Variants in PCDHGB1 observed in about 807,000 individuals in gnomAD.
PCDHGB1 encodes the protein protocadherin gamma-B1.
Under a neutral mutation model 56.6 loss-of-function variants are expected in PCDHGB1, and 34 were observed. That is an observed-to-expected ratio of 0.60 (90% CI 0.46 to 0.80). The LOEUF is 0.80. PCDHGB1 is among the 30% of genes least tolerant of loss of function. PCDHGB1 has a pLI of 0.00. For synonymous variants in PCDHGB1, 561 were observed against 505.9 expected (o/e 1.11, Z -1.46); for missense variants, 1,278 against 1,204.6 (o/e 1.06, Z -0.90).
chr5:141,374,476 C>A, intron 1 of PCDHGB1: 3 of 1,612,124 alleles, frequency 1.9e-6, no homozygotes, highest in Non-Finnish European at 1.7e-6. Context: ...ACAATACACC[C>A]CGATTCTTAA....
At chr5:141,355,995 AG>A in intron 1 of PCDHGB1, 1 of 1,613,888 alleles carries the variant, frequency 6.2e-7, no homozygotes, top group Non-Finnish European at 8.5e-7. Context: ...TCACCGTAAA[AG>A]CCACTGATCC....
Position 141,351,741 on chromosome 5 carries a change from CGCGGGA to C in PCDHGB1, c.1484_1489del (p.Arg495_Glu496del). On this transcript the variant is annotated inframe_deletion, in exon 1 of 4. Transcript: ENST00000523390. ...TCTATTCTGGCCAGTGACCTGGAGCCGCGGGAGCTGTTGTCCTACGTGTCCGTGAGC... is the reference window on the plus strand; with the variant it reads ...TCTATTCTGGCCAGTGACCTGGAGCCGCTGTTGTCCTACGTGTCCGTGAGC... The C allele has an allele frequency of 6.2e-7, 1 of 1,613,684 alleles. No homozygotes were observed. Among genetic ancestry groups the C allele is most frequent in the East Asian group, 2.2e-5 (1 of 44,886 alleles).
intron 1 of PCDHGB1, chr5:141,355,623 A>G: frequency 1.2e-6 from 2 of 1,613,994 alleles, no homozygotes; most frequent in Non-Finnish European, 1.7e-6. Context: ...GGGAAATAAA[A>G]GTTGCTGAAA....
chr5:141,357,282 G>T, intron 1 of PCDHGB1: 2 of 1,613,964 alleles, frequency 1.2e-6, no homozygotes, highest in Non-Finnish European at 1.7e-6. Context: ...TCTATCTCGT[G>T]GTGGCAGTGG....
intron 1 of PCDHGB1, chr5:141,398,970 C>G (rs1320199481): frequency 6.2e-7 from 1 of 1,613,958 alleles, no homozygotes; most frequent in South Asian, 1.1e-5. Flanking sequence ...CTTATTCCTT[C>G]TACAGAACCG....
At position 141,390,017 on chromosome 5, in the gene PCDHGB1, G is replaced by C. The variant is rs2092015490; in HGVS notation, c.2409+37348G>C. Reference sequence around the variant, plus strand: ...TGGCCATGATTCTGGCCATTGCCTTGCGCCTGCGACGCTCCTCCAGCCCCG... The same window carrying C: ...TGGCCATGATTCTGGCCATTGCCTTCCGCCTGCGACGCTCCTCCAGCCCCG... On this transcript the variant is annotated intron_variant, in intron 1 of 3. Transcript: ENST00000523390. 1.9e-6 allele frequency: 3 copies of C among 1,613,898 alleles called. No homozygotes were observed. The South Asian group carries it at 3.3e-5, about 18-fold the overall frequency.
intron 1 of PCDHGB1, chr5:141,418,009 C>G (rs780624400): frequency 6.2e-7 from 1 of 1,613,776 alleles, no homozygotes; most frequent in African/African-American, 1.3e-5. Context: ...TGGGGAACCT[C>G]GCTAAGGATC....
At chr5:141,439,190 C>CA (rs200519543) in intron 1 of PCDHGB1, among the ~76,000 whole-genome samples, 17,650 of 111,626 alleles carry the variant, frequency 0.16, 1,295 homozygotes, top group African/African-American at 0.25. Context: ...GAGACTCTGA[C>CA]AAAAAAAAAA....
At chr5:141,376,183 C>G (rs1772387950) in intron 1 of PCDHGB1, 1 of 1,614,148 alleles carries the variant, frequency 6.2e-7, no homozygotes, top group Admixed American at 1.7e-5. Context: ...TGGCCGCGGT[C>G]TCCTGCGTCT....
Position 141,431,872 on chromosome 5 carries a change from A to G in PCDHGB1, c.2410-62935A>G, listed in dbSNP as rs2097425104. 5 of 1,614,222 alleles carry G rather than the reference A, an allele frequency of 3.1e-6. No individual in the cohort carries two copies. The highest frequency in any genetic ancestry group is 4.2e-6 in the Non-Finnish European group (5 of 1,180,002). ...GGACATTAATTGCCCTTTTAAATGT[A>G]AATGACCAAGATTCTGAGGAAAACG... On this transcript the variant is annotated intron_variant, in intron 1 of 3. Transcript: ENST00000523390. The surrounding 1 kb of genome is among the most constrained non-coding windows in gnomAD (Gnocchi z 4.8).
intron 1 of PCDHGB1, among the ~76,000 whole-genome samples, chr5:141,460,365 A>G (rs887924740): frequency 6.6e-6 from 1 of 152,180 alleles, no homozygotes; most frequent in African/African-American, 2.4e-5. Context: ...TAGAAGTTTT[A>G]TAGTTTTACC....
intron 1 of PCDHGB1, among the ~76,000 whole-genome samples, chr5:141,451,134 T>C (rs567790185): frequency 9.9e-5 from 15 of 152,254 alleles, no homozygotes; most frequent in African/African-American, 3.6e-4. Context: ...AGCCTTATGA[T>C]TGTATTTAGA....
chr5:141,359,162 C>T (rs1761135803), intron 1 of PCDHGB1, among the ~76,000 whole-genome samples: 1 of 152,100 alleles, frequency 6.6e-6, no homozygotes, highest in Non-Finnish European at 1.5e-5. Context: ...GATGCAGTTA[C>T]CTGGCTTGGG....
chr5:141,396,492 C>G (rs970666488), intron 1 of PCDHGB1: 1 of 151,944 alleles, frequency 6.6e-6, no homozygotes, highest in Non-Finnish European at 1.5e-5. Context: ...TGGTGGCATG[C>G]GCCTGTGGTC....
At position 141,365,950 on chromosome 5, in the gene PCDHGB1, T is replaced by C. The variant is rs376201402; in HGVS notation, c.2409+13281T>C. On this transcript the variant is annotated intron_variant, in intron 1 of 3. Coordinates refer to ENST00000523390, the MANE Select transcript of PCDHGB1 (RefSeq NM_018922.3). Reference sequence around the variant, plus strand: ...TGACAGCCAGCGACAGTGGGAACCCTCCACTTAGCAGCAACGTGTCGCTGA... The same window carrying C: ...TGACAGCCAGCGACAGTGGGAACCCCCCACTTAGCAGCAACGTGTCGCTGA... The C allele has an allele frequency of 2.5e-6, 4 of 1,614,078 alleles. No individual in the cohort carries two copies. In the African/African-American group the frequency reaches 5.3e-5, roughly 22 times the overall value.
chr5:141,385,209 C>G (rs375927473), intron 1 of PCDHGB1: 95 of 1,614,118 alleles, frequency 5.9e-5, no homozygotes, highest in Non-Finnish European at 7.8e-5. Context: ...ACCTGATCTT[C>G]CCCCAGCCCA....
intron 1 of PCDHGB1, chr5:141,364,263 G>A (rs997057589): frequency 4.0e-6 from 6 of 1,505,766 alleles, no homozygotes; most frequent in Admixed American, 4.7e-5. Flanking sequence ...TGTACCCATC[G>A]GCTTTAGATA....
At chr5:141,496,617 A>G (rs2099769939) in intron 2 of PCDHGB1, among the ~76,000 whole-genome samples, 2 of 152,236 alleles carry the variant, frequency 1.3e-5, no homozygotes, top group Admixed American at 1.3e-4. Flanking sequence ...AAAAAGCAGC[A>G]GATCAAAAGG....
intron 1 of PCDHGB1, chr5:141,362,379 G>A (rs963441709): frequency 1.2e-5 from 19 of 1,614,004 alleles, no homozygotes; most frequent in Non-Finnish European, 1.5e-5. Flanking sequence ...AGGGTACATT[G>A]CCCTATTCCT....
Sources: allele counts gnomAD v4.1 joint callset (sites outside exome capture counted in the v4.1 genomes callset), GRCh38; gene constraint gnomAD v4.1.1; non-coding constraint Gnocchi (gnomAD v3.1); transcripts MANE v1.5; gene names NCBI Gene and HGNC (gene_info 2026-07-23, HGNC 2026-07-21).